The following XXYLT1 variants were observed in gnomAD, a reference collection of about 807,000 sequenced individuals.
The protein encoded by XXYLT1 is xyloside xylosyltransferase 1, also known as UDP-xylose:alpha-xyloside alpha-1,3-xylosyltransferase.
Under a neutral mutation model 28.9 loss-of-function variants are expected in XXYLT1, and 20 were observed. The observed-to-expected ratio is 0.69, with a 90% CI of 0.49 to 1.00. The LOEUF (loss-of-function observed/expected upper bound fraction) is 1.00, where lower values mean the gene tolerates loss of function less well. Ranked by LOEUF, XXYLT1 falls within the 50% of genes least tolerant of loss-of-function variation. The pLI is 0.00. For synonymous variants in XXYLT1, 257 were observed against 253.8 expected (o/e 1.01, Z -0.12); for missense variants, 542 against 560.1 (o/e 0.97, Z 0.33).
chr3:195,096,498 C>T (rs1716453929), intron 3 of XXYLT1, among the ~76,000 whole-genome samples: 1 of 152,292 alleles, frequency 6.6e-6, no homozygotes. Flanking sequence ...CACATGCTGA[C>T]AAACACACAC....
In XXYLT1 at chr3:195,140,526, C is replaced by T. The variant is rs1011450320; in HGVS notation, c.785+15923G>A. Reference sequence around the variant, plus strand: ...ATGTAGAAAAGAGGTTTAATAGACCCACAGTTCTGCAGACTGTACAGGAAG... The same window carrying T: ...ATGTAGAAAAGAGGTTTAATAGACCTACAGTTCTGCAGACTGTACAGGAAG... On this transcript the variant is annotated intron_variant, in intron 3 of 3. Transcript: ENST00000310380. Among the ~76,000 whole-genome samples the T allele has an allele frequency of 7.9e-5, 12 of 152,220 alleles. No individual in the cohort carries two copies. The East Asian group carries it at 9.7e-4, about 12-fold the overall frequency.
At chr3:195,121,537 A>T (rs111596504) in intron 3 of XXYLT1, among the ~76,000 whole-genome samples, 32 of 152,206 alleles carry the variant, frequency 2.1e-4, no homozygotes, top group African/African-American at 7.2e-4. Context: ...GCCCCAAATG[A>T]CGTTCTCATC....
At chr3:195,103,128 G>A (rs1023064807) in intron 3 of XXYLT1, among the ~76,000 whole-genome samples, 1 of 152,252 alleles carries the variant, frequency 6.6e-6, no homozygotes, top group African/African-American at 2.4e-5. Context: ...GCTCACGCTA[G>A]TAACAGTCAG....
intron 1 of XXYLT1, among the ~76,000 whole-genome samples, chr3:195,268,002 G>A (rs949787373): frequency 6.6e-6 from 1 of 152,148 alleles, no homozygotes; most frequent in Non-Finnish European, 1.5e-5. Context: ...AAAATCATGG[G>A]AATGCCAGGT....
intron 3 of XXYLT1, among the ~76,000 whole-genome samples, chr3:195,138,874 A>AAAAAAG (rs1553808739): frequency 3.1e-4 from 47 of 150,302 alleles, no homozygotes; most frequent in African/African-American, 1.1e-3. Context: ...AAAAAAAAAA[A>AAAAAAG]AAAGAAAGAA....
chr3:195,137,197 G>A (rs1000088511), intron 3 of XXYLT1, among the ~76,000 whole-genome samples: 1 of 152,174 alleles, frequency 6.6e-6, no homozygotes, highest in Non-Finnish European at 1.5e-5. Flanking sequence ...AGTGGGGTGT[G>A]ACACTTTTCT....
intron 2 of XXYLT1, among the ~76,000 whole-genome samples, chr3:195,193,979 T>C (rs2108755226): frequency 6.6e-6 from 1 of 152,122 alleles, no homozygotes; most frequent in Admixed American, 6.5e-5. Context: ...GAGAAAATAT[T>C]CCTGACCTTG....
intron 3 of XXYLT1, among the ~76,000 whole-genome samples, chr3:195,074,328 C>T (rs912336755): frequency 1.3e-5 from 2 of 152,204 alleles, no homozygotes; most frequent in Non-Finnish European, 2.9e-5. Context: ...TCTGGGGCGT[C>T]CTTCAGCCTT....
In XXYLT1 at chr3:195,195,078, G is replaced by T. The variant is rs796174598; in HGVS notation, c.652+31631C>A. 1.4e-5 allele frequency among the ~76,000 whole-genome samples: 2 copies of T among 146,078 alleles called. No homozygotes were observed. Among genetic ancestry groups the T allele is most frequent in the African/African-American group, 5.3e-5 (2 of 37,490 alleles). On this transcript the variant is annotated intron_variant, in intron 2 of 3. Coordinates refer to ENST00000310380, the MANE Select transcript of XXYLT1 (RefSeq NM_152531.5). This position sits in a 1 kb window ranked among gnomAD's most constrained non-coding sequence, Gnocchi z 4.4. ...ATAAACTGTACCTCAACAAAGCTGG[G>T]TTTTTTTTTTAAAAGGACAATGTAC...
intron 2 of XXYLT1, chr3:195,183,603 T>C (rs189495884): frequency 2.8e-4 from 42 of 152,340 alleles, no homozygotes; most frequent in African/African-American, 9.4e-4. Context: ...CTTCCATCTG[T>C]TGTGGCCAGT....
chr3:195,266,076 C>G (rs747172352), intron 1 of XXYLT1, among the ~76,000 whole-genome samples: 1 of 152,124 alleles, frequency 6.6e-6, no homozygotes, highest in African/African-American at 2.4e-5. Context: ...AGAAGCAGAG[C>G]AAGCAAAGCG....
At chr3:195,135,405 A>T (rs1342425398) in intron 3 of XXYLT1, among the ~76,000 whole-genome samples, 1 of 152,178 alleles carries the variant, frequency 6.6e-6, no homozygotes, top group Non-Finnish European at 1.5e-5. Flanking sequence ...ATCAAAAAAG[A>T]GTCAGTCAGC....
At chr3:195,084,520 A>C (rs1476995681) in intron 3 of XXYLT1, among the ~76,000 whole-genome samples, 1 of 152,232 alleles carries the variant, frequency 6.6e-6, no homozygotes, top group East Asian at 1.9e-4. Context: ...CTTTCCCACC[A>C]GCGAGATGGC....
chr3:195,153,371 C>A (rs145131050), intron 3 of XXYLT1, among the ~76,000 whole-genome samples: 35 of 152,270 alleles, frequency 2.3e-4, no homozygotes, highest in African/African-American at 8.4e-4. Flanking sequence ...CCAGAGCCAG[C>A]GGGGCACGCG....
chr3:195,251,900 C>G (rs1725271169), intron 1 of XXYLT1, among the ~76,000 whole-genome samples: 1 of 152,184 alleles, frequency 6.6e-6, no homozygotes, highest in African/African-American at 2.4e-5. Flanking sequence ...CCTGGAGAGC[C>G]TCAAGCACAT....
chr3:195,094,474 G>A (rs1217650587), intron 3 of XXYLT1: 1 of 153,998 alleles, frequency 6.5e-6, no homozygotes, highest in Non-Finnish European at 1.5e-5. Context: ...ACACAAAGCT[G>A]ACATGGGAGT....
intron 1 of XXYLT1, chr3:195,247,867 G>A (rs1238309098): frequency 1.4e-6 from 1 of 699,176 alleles, no homozygotes; most frequent in South Asian, 1.5e-5. Context: ...AGAGAAGGGG[G>A]AAGCGCTACA....
At chr3:195,254,833 A>G (rs1725415991) in intron 1 of XXYLT1, among the ~76,000 whole-genome samples, 1 of 152,170 alleles carries the variant, frequency 6.6e-6, no homozygotes, top group Non-Finnish European at 1.5e-5. Flanking sequence ...CCTCACACCA[A>G]TGTTTTGGGG....
In XXYLT1 at chr3:195,128,980, C is replaced by T. The variant is rs146017880; in HGVS notation, c.785+27469G>A. Among the ~76,000 whole-genome samples the T allele has an allele frequency of 1.9e-4, 29 of 152,234 alleles. No individual in the cohort carries two copies. In the East Asian group the frequency reaches 3.7e-3, roughly 19 times the overall value. On this transcript the variant is annotated intron_variant, in intron 3 of 3. Coordinates refer to ENST00000310380, the MANE Select transcript of XXYLT1 (RefSeq NM_152531.5). ...CCAAGAAAAACATCCCCATGCGAGACGAGTCATTTTCATTCTCTTGGAAAG... is the reference window on the plus strand; with the variant it reads ...CCAAGAAAAACATCCCCATGCGAGATGAGTCATTTTCATTCTCTTGGAAAG...
Sources: gnomAD v4.1 joint callset for allele counts (sites outside exome capture counted in the v4.1 genomes callset) on GRCh38, gnomAD v4.1.1 for gene constraint, Gnocchi (gnomAD v3.1) non-coding constraint, MANE v1.5 for transcripts, NCBI Gene and HGNC (gene_info 2026-07-23, HGNC 2026-07-21) for gene names.